Variants in VCL observed in about 807,000 individuals in gnomAD.
VCL encodes epididymis luminal protein 114.
In VCL, 47 loss-of-function variants were observed where a neutral mutation model predicts 125.7. The ratio of observed to expected loss-of-function variants is 0.37; its 90% CI spans 0.30 to 0.48. The LOEUF is 0.48. Among genes scored for constraint, VCL ranks in the 20% least tolerant of loss-of-function variants. The pLI is 0.99. For missense variants in VCL, 1,069 were observed against 1,455.5 expected (o/e 0.73, Z 4.32); for synonymous variants, 458 against 514.6 (o/e 0.89, Z 1.49).
intron 2 of VCL, among the ~76,000 whole-genome samples, chr10:74,057,834 A>AGCCC (rs1841414998): frequency 6.6e-6 from 1 of 152,064 alleles, no homozygotes; most frequent in South Asian, 2.1e-4. Context: ...TCGGGAGGCT[A>AGCCC]AGGTAGGAGG....
intron 1 of VCL, among the ~76,000 whole-genome samples, chr10:74,041,629 A>C (rs902125069): frequency 6.6e-6 from 1 of 152,184 alleles, no homozygotes; most frequent in African/African-American, 2.4e-5. Flanking sequence ...GTGGTGGCTC[A>C]TGCCTGTAAT....
At position 74,074,789 on chromosome 10, in the gene VCL, A is replaced by G. The variant is rs1301421328; in HGVS notation, c.669A>G (p.Ile223Met). The G allele has an allele frequency of 6.2e-7, 1 of 1,614,034 alleles. No individual in the cohort carries two copies. The highest frequency in any genetic ancestry group is 8.5e-7 in the Non-Finnish European group (1 of 1,180,026). Residue 223 changes from isoleucine (I) to methionine (M), a missense_variant, in exon 6 of 22, where the codon ATA (isoleucine) becomes ATG (methionine). Physicochemically the swap from Ile to Met is conservative, Grantham distance 10. Around this residue, in one of 6 missense-constraint regions of VCL, gnomAD observed 760 missense variants for 928.9 expected, o/e 0.82. Transcript: ENST00000211998. ...CTAAAAACTCAAAAAACCAAGGCATAGAGGAAGCTTTAAAAAATCGCAATT... is the reference window on the plus strand; with the variant it reads ...CTAAAAACTCAAAAAACCAAGGCATGGAGGAAGCTTTAAAAAATCGCAATT... ...VTTKNSKNQG[I>M]EEALKNRNFT...
chr10:74,028,110 C>A (rs903322766), intron 1 of VCL, among the ~76,000 whole-genome samples: 1 of 152,174 alleles, frequency 6.6e-6, no homozygotes, highest in Non-Finnish European at 1.5e-5. Flanking sequence ...GGATCTCCCC[C>A]TGTTGCCCAG....
intron 2 of VCL, among the ~76,000 whole-genome samples, chr10:74,053,764 C>G (rs1841348305): frequency 6.6e-6 from 1 of 151,976 alleles, no homozygotes; most frequent in Non-Finnish European, 1.5e-5. Context: ...GTGCCCGCCA[C>G]CATGCCTGGC....
chr10:74,053,983 T>C (rs1841352852), intron 2 of VCL, among the ~76,000 whole-genome samples: 1 of 152,196 alleles, frequency 6.6e-6, no homozygotes, highest in Non-Finnish European at 1.5e-5. Flanking sequence ...TCTTTTGTTA[T>C]ATTTCTAATA....
intron 6 of VCL, 39 bp downstream of exon 6, chr10:74,074,942 C>G: frequency 6.2e-7 from 1 of 1,613,880 alleles, no homozygotes; most frequent in Non-Finnish European, 8.5e-7. Flanking sequence ...AAATCCCCAA[C>G]TCTCCCTGGC....
intron 10 of VCL, among the ~76,000 whole-genome samples, chr10:74,090,679 T>C (rs935983799): frequency 6.6e-6 from 1 of 152,188 alleles, no homozygotes; most frequent in Admixed American, 6.5e-5. Context: ...GATACTTAAA[T>C]TACATTTCCT....
rs112675437 is a variant in VCL, at chr10:74,062,699, T to C, written c.240-7971T>C. On this transcript the variant is annotated intron_variant, in intron 2 of 21. Transcript: ENST00000211998. Reference sequence around the variant, plus strand: ...TCTTGGGCTCAAGTGATTCTCCCACTTTAGCCTCCTGAGTAGCTGGGACCA... The same window carrying C: ...TCTTGGGCTCAAGTGATTCTCCCACCTTAGCCTCCTGAGTAGCTGGGACCA... Among the ~76,000 whole-genome samples the C allele has an allele frequency of 4.2e-4, 63 of 151,554 alleles. 1 individual carries two copies. The highest frequency in any genetic ancestry group is 1.2e-3 in the African/African-American group (50 of 41,324).
chr10:74,082,633 C>G, intron 7 of VCL, 89 bp downstream of exon 7: 1 of 1,340,860 alleles, frequency 7.5e-7, no homozygotes, highest in Non-Finnish European at 1.1e-6. Flanking sequence ...ATAATCTCAT[C>G]ATCTGAGAGA....
chr10:74,078,100 A>T (rs1591692208), intron 6 of VCL, among the ~76,000 whole-genome samples: 1 of 152,154 alleles, frequency 6.6e-6, no homozygotes, highest in African/African-American at 2.4e-5. Context: ...TTGTATCTTG[A>T]TGCATGCTGA....
At chr10:74,041,902 C>G (rs960792054) in intron 1 of VCL, among the ~76,000 whole-genome samples, 1 of 152,156 alleles carries the variant, frequency 6.6e-6, no homozygotes, top group African/African-American at 2.4e-5. Flanking sequence ...GACTCTATTT[C>G]AAAAACACAA....
intron 21 of VCL, among the ~76,000 whole-genome samples, chr10:74,117,079 G>C (rs1258627556): frequency 1.3e-5 from 2 of 152,204 alleles, no homozygotes; most frequent in Non-Finnish European, 2.9e-5. Flanking sequence ...GCGTTTGTTT[G>C]AAAGATTAAC....
Position 74,070,830 on chromosome 10 carries a change from C to CT in VCL, c.390+11dup. 6.2e-7 allele frequency: 1 copy of CT among 1,613,936 alleles called. No homozygotes were observed. The highest frequency in any genetic ancestry group is 1.1e-5 in the South Asian group (1 of 91,068). On this transcript the variant is annotated intron_variant, in intron 3 of 21. Coordinates refer to ENST00000211998, the MANE Select transcript of VCL (RefSeq NM_014000.3). ...CTTCGATGAGGCTGAGGTAGGCAAT[C>CT]TGAGACAAAAAGCCTACTCTTGAAG...
chr10:74,057,402 A>C (rs1171082995), intron 2 of VCL, among the ~76,000 whole-genome samples: 1 of 152,160 alleles, frequency 6.6e-6, no homozygotes, highest in Non-Finnish European at 1.5e-5. Flanking sequence ...TTAACAATTT[A>C]AATCTTAAAT....
chr10:74,064,189 T>C (rs1841526558), intron 2 of VCL, among the ~76,000 whole-genome samples: 1 of 152,182 alleles, frequency 6.6e-6, no homozygotes, highest in South Asian at 2.1e-4. Flanking sequence ...CAGTTTATTA[T>C]AAAGGATACA....
At chr10:74,043,573 C>T (rs1841138564) in intron 2 of VCL, among the ~76,000 whole-genome samples, 1 of 151,982 alleles carries the variant, frequency 6.6e-6, no homozygotes. Context: ...TCTTGAACTT[C>T]CGACCTCAGG....
chr10:74,082,435 T>TG lies in VCL; in HGVS notation c.784-16dup. On this transcript the variant is annotated intron_variant, in intron 6 of 21. Transcript: ENST00000211998. ...TCAACTTTTGCAAAGAAAATAATGG[T>TG]GGGATTTCTTCCCAAAAGGACACTG... is the stretch of plus-strand genomic sequence containing the variant. 6.2e-7 allele frequency: 1 copy of TG among 1,613,514 alleles called. No individual in the cohort carries two copies. The highest frequency in any genetic ancestry group is 1.6e-4 in the Middle Eastern group (1 of 6,062).
intron 1 of VCL, among the ~76,000 whole-genome samples, chr10:74,013,163 T>A (rs1480481851): frequency 6.6e-6 from 1 of 152,140 alleles, no homozygotes. Flanking sequence ...TCTGCTGCGA[T>A]CAAAAACTGT....
chr10:74,017,660 C>T (rs1354814186), intron 1 of VCL, among the ~76,000 whole-genome samples: 4 of 151,788 alleles, frequency 2.6e-5, no homozygotes, highest in Admixed American at 2.0e-4. Flanking sequence ...TCAAGCCATC[C>T]TCCCACCTCA....
Sources: gnomAD v4.1 joint callset for allele counts (sites outside exome capture counted in the v4.1 genomes callset) on GRCh38, gnomAD v4.1.1 for gene constraint, gnomAD v4.1.1 regional missense constraint, MANE v1.5 for transcripts, NCBI Gene and HGNC (gene_info 2026-07-23, HGNC 2026-07-21) for gene names.